The following SLFN5 variants were observed in gnomAD, a reference collection of about 807,000 sequenced individuals.
The protein encoded by SLFN5 is schlafen family member 5.
In SLFN5, 34 loss-of-function variants were observed where a neutral mutation model predicts 48.5. The ratio of observed to expected loss-of-function variants is 0.70; its 90% CI spans 0.53 to 0.93. SLFN5 has a LOEUF of 0.93. Ranked by LOEUF, SLFN5 falls within the 40% of genes least tolerant of loss-of-function variation. The pLI is 0.00. For missense variants in SLFN5, 1,006 were observed against 1,071.3 expected, an observed-to-expected ratio of 0.94 and a Z score of 0.85; for synonymous variants, 387 against 396.2, an observed-to-expected ratio of 0.98 and a Z score of 0.28.
At chr17:35,246,960 A>G (rs1461348316) in intron 1 of SLFN5, among the ~76,000 whole-genome samples, 1 of 152,170 alleles carries the variant, frequency 6.6e-6, no homozygotes, top group Non-Finnish European at 1.5e-5. Flanking sequence ...TAGAAATTTT[A>G]TGGTTGACAG....
intron 1 of SLFN5, among the ~76,000 whole-genome samples, chr17:35,253,590 G>T (rs1017337795): frequency 3.9e-5 from 6 of 151,902 alleles, no homozygotes; most frequent in African/African-American, 1.5e-4. Flanking sequence ...GCCCAGGCTG[G>T]TCTTAAGCTC....
At chr17:35,247,726 G>A (rs752350472) in intron 1 of SLFN5, among the ~76,000 whole-genome samples, 3 of 152,092 alleles carry the variant, frequency 2.0e-5, no homozygotes, top group Non-Finnish European at 2.9e-5. Context: ...GTTTAAAAGC[G>A]GTTTGTCCGA....
In SLFN5 at chr17:35,272,518, G is replaced by A. The variant is rs1904857370; in HGVS notation, c.*6630G>A. ...AAGGTCTAAGTATGGCCCTCAATCA[G>A]AAACCAGGAAGGAAAATATTGACTA... On this transcript the variant is annotated 3_prime_UTR_variant, in exon 5 of 5. Coordinates refer to ENST00000299977, the MANE Select transcript of SLFN5 (RefSeq NM_144975.4). 1.3e-5 allele frequency: 2 copies of A among 152,116 alleles called. No homozygotes were observed. Among genetic ancestry groups the A allele is most frequent in the African/African-American group, 2.4e-5 (1 of 41,424 alleles). The allele number at this position is 152,116 out of a possible 1,614,324, so 9.4% of individuals were successfully genotyped here. A position where few individuals can be genotyped will look rare whatever the true frequency, so the allele number is the denominator to read the frequency against.
chr17:35,257,882 A>G (rs1021134347), intron 1 of SLFN5, among the ~76,000 whole-genome samples: 5 of 152,184 alleles, frequency 3.3e-5, no homozygotes, highest in Admixed American at 6.5e-5. Flanking sequence ...GAGAGGAGAA[A>G]GACAAAGAAT....
chr17:35,266,142 A>AGGTGTGTG lies in SLFN5; in HGVS notation c.*254_*255insGGTGTGTG, dbSNP rs71366427. 7 of 240,430 alleles carry AGGTGTGTG rather than the reference A, an allele frequency of 2.9e-5. No individual in the cohort carries two copies. The highest frequency in any genetic ancestry group is 5.6e-5 in the Non-Finnish European group (7 of 125,216). The allele number at this position is 240,430 out of a possible 1,614,324, so 14.9% of individuals were successfully genotyped here. A position where few individuals can be genotyped will look rare whatever the true frequency, so the allele number is the denominator to read the frequency against. ...AATTAGAGGACCGTGAGACTCAGAG[A>AGGTGTGTG]TGTGTGTGTGTGTGTGTGTGTGTGT... On this transcript the variant is annotated 3_prime_UTR_variant, in exon 5 of 5. Coordinates refer to ENST00000299977, the MANE Select transcript of SLFN5 (RefSeq NM_144975.4).
chr17:35,264,985 A>G (rs776969064), intron 4 of SLFN5, 82 bp downstream of exon 4: 6 of 1,535,312 alleles, frequency 3.9e-6, no homozygotes, highest in Non-Finnish European at 5.2e-6. Flanking sequence ...TAAAATTCAT[A>G]TTGTATTTAC....
chr17:35,260,039 TTTAA>T (rs1904475861), intron 2 of SLFN5, among the ~76,000 whole-genome samples: 1 of 152,250 alleles, frequency 6.6e-6, no homozygotes, highest in African/African-American at 2.4e-5. Flanking sequence ...TGAGCTTGCA[TTTAA>T]TTATTTAGGA....
Position 35,266,142 on chromosome 17 carries a change from A to ATGTG in SLFN5, c.*287_*290dup, listed in dbSNP as rs58644233. The ATGTG allele has an allele frequency of 3.0e-3, 715 of 240,394 alleles. 5 individuals are homozygous for ATGTG. The highest frequency in any genetic ancestry group is 9.0e-3 in the Middle Eastern group (6 of 664). 14.9% of individuals were successfully genotyped at this position (240,394 alleles called of 1,614,324 possible). ...AATTAGAGGACCGTGAGACTCAGAG[A>ATGTG]TGTGTGTGTGTGTGTGTGTGTGTGT... On this transcript the variant is annotated 3_prime_UTR_variant, in exon 5 of 5. Coordinates refer to ENST00000299977, the MANE Select transcript of SLFN5 (RefSeq NM_144975.4).
rs542544506 is a variant in SLFN5 at position 35,273,320 on chromosome 17, T to C, written c.*7432T>C. The C allele has an allele frequency of 5.9e-5, 9 of 152,232 alleles. No individual in the cohort carries two copies. The South Asian group carries it at 1.2e-3, about 21-fold the overall frequency. 9.4% of individuals were successfully genotyped at this position (152,232 alleles called of 1,614,324 possible). On this transcript the variant is annotated 3_prime_UTR_variant, in exon 5 of 5. Coordinates refer to ENST00000299977, the MANE Select transcript of SLFN5 (RefSeq NM_144975.4). The stretch of plus-strand genomic sequence containing the variant: ...GTGTTTGACTCCAGGGAAGAACAGA[T>C]GGGTGCCAGAGTGAAAAAAAGATAG...
At position 35,258,707 on chromosome 17, in the gene SLFN5, A is replaced by G. The variant is rs756949034; in HGVS notation, c.17A>G (p.Asp6Gly). MSLRIDVDTNFPECVV... is the reference protein window; with the variant it reads MSLRIGVDTNFPECVV... ...GCTGAGAAGATGAGTCTTAGGATTG[A>G]TGTGGATACAAACTTTCCTGAGTGT... The change falls in exon 2 of 5, where the codon GAT (aspartate) becomes GGT (glycine). Residue 6 changes from aspartate to glycine, a missense_variant. Transcript: ENST00000299977. 1.9e-6 allele frequency: 3 copies of G among 1,613,734 alleles called. No individual in the cohort carries two copies. The highest frequency in any genetic ancestry group is 2.2e-5 in the South Asian group (2 of 91,040).
intron 1 of SLFN5, among the ~76,000 whole-genome samples, chr17:35,255,354 T>G (rs934538724): frequency 6.6e-6 from 1 of 152,270 alleles, no homozygotes; most frequent in Non-Finnish European, 1.5e-5. Flanking sequence ...ATTGAGCACA[T>G]ATTACTTTTA....
At chr17:35,254,055 T>C (rs941916212) in intron 1 of SLFN5, among the ~76,000 whole-genome samples, 2 of 152,188 alleles carry the variant, frequency 1.3e-5, no homozygotes, top group African/African-American at 4.8e-5. Context: ...CTATATCTTA[T>C]ATCATCATTT....
Position 35,259,351 on chromosome 17 carries a change from A to G in SLFN5, c.661A>G (p.Asn221Asp), listed in dbSNP as rs1904448214. The part of the protein sequence containing the change: ...RLPKCVSAFA[N>D]TEGGYVFFGV... Reference sequence around the variant, plus strand: ...TCCGAAGTGTGTTTCTGCATTTGCAAATACTGAAGGAGGATATGTATTTTT... The same window carrying G: ...TCCGAAGTGTGTTTCTGCATTTGCAGATACTGAAGGAGGATATGTATTTTT... Residue 221 changes from asparagine (N) to aspartate (D), a missense_variant, in exon 2 of 5, where the codon AAT becomes GAT. Transcript: ENST00000299977. 6.2e-7 allele frequency: 1 copy of G among 1,614,056 alleles called. No individual in the cohort carries two copies. The highest frequency in any genetic ancestry group is 1.7e-5 in the Admixed American group (1 of 60,004).
At position 35,259,506 on chromosome 17, in the gene SLFN5, T is replaced by C; in HGVS notation, c.816T>C (p.Pro272=). The change falls in exon 2 of 5, where the codon CCT becomes CCC. Residue 272 remains proline, a synonymous_variant. Transcript: ENST00000299977. Reference sequence around the variant, plus strand: ...TCCATCATTTCTGCACACAGAGGCCTGAGATAAAATATGTCCTTAACTTCC... The same window carrying C: ...TCCATCATTTCTGCACACAGAGGCCCGAGATAAAATATGTCCTTAACTTCC... The part of the protein sequence containing the change: ...LPVHHFCTQR[P]EIKYVLNFLE... 1 of 1,613,984 alleles carries C rather than the reference T, an allele frequency of 6.2e-7. No individual in the cohort carries two copies. The highest frequency in any genetic ancestry group is 8.5e-7 in the Non-Finnish European group (1 of 1,179,834).
intron 1 of SLFN5, among the ~76,000 whole-genome samples, chr17:35,256,912 T>C (rs1904359775): frequency 6.6e-6 from 1 of 152,136 alleles, no homozygotes. Flanking sequence ...TGAGTGTAAG[T>C]GAGCATTACC....
At chr17:35,255,175 G>T (rs983434485) in intron 1 of SLFN5, among the ~76,000 whole-genome samples, 28 of 152,200 alleles carry the variant, frequency 1.8e-4, no homozygotes, top group African/African-American at 6.7e-4. Flanking sequence ...AAGGATTAAT[G>T]ATGTTAAAAA....
rs376851695 is a variant in SLFN5 at position 35,252,815 on chromosome 17, C to T, written c.-40-5836C>T. Reference sequence around the variant, plus strand: ...GAATGTAGTTTTGAAAATCATAGTTCCTTAGACACAGTAAGGAAACCAATG... The same window carrying T: ...GAATGTAGTTTTGAAAATCATAGTTTCTTAGACACAGTAAGGAAACCAATG... On this transcript the variant is annotated intron_variant, in intron 1 of 4. Coordinates refer to ENST00000299977, the MANE Select transcript of SLFN5 (RefSeq NM_144975.4). Among the ~76,000 whole-genome samples, 52 of 152,058 alleles carry T rather than the reference C, an allele frequency of 3.4e-4. No individual in the cohort carries two copies. In the South Asian group the frequency reaches 1.0e-2, roughly 29 times the overall value.
rs1439895976 is a variant in SLFN5, at chr17:35,269,745, A to T, written c.*3857A>T. 6.6e-6 allele frequency: 1 copy of T among 152,196 alleles called. No individual in the cohort carries two copies. The allele number at this position is 152,196 out of a possible 1,614,324, so 9.4% of individuals were successfully genotyped here. On this transcript the variant is annotated 3_prime_UTR_variant, in exon 5 of 5. Transcript: ENST00000299977. ...ATAGGGCAGGTTCCTTAGTTGAAAA[A>T]TTTCCACAAAACATGATGTAAAGTG...
chr17:35,251,365 C>G (rs1275472235), intron 1 of SLFN5, among the ~76,000 whole-genome samples: 1 of 152,204 alleles, frequency 6.6e-6, no homozygotes, highest in Non-Finnish European at 1.5e-5. Flanking sequence ...CTCATGGTTT[C>G]TCATGCAACA....
Sources: gnomAD v4.1 joint callset for allele counts (sites outside exome capture counted in the v4.1 genomes callset) on GRCh38, gnomAD v4.1.1 for gene constraint, MANE v1.5 for transcripts, NCBI Gene and HGNC (gene_info 2026-07-23, HGNC 2026-07-21) for gene names.